The following PPARGC1A variants were observed in gnomAD, a reference collection of about 807,000 sequenced individuals.
PPARGC1A encodes peroxisome proliferator-activated receptor gamma coactivator 1-alpha.
A neutral mutation model predicts 88.7 loss-of-function variants in PPARGC1A; 25 were observed. That is an observed-to-expected ratio of 0.28 (90% confidence interval 0.21 to 0.39). The LOEUF (loss-of-function observed/expected upper bound fraction) is 0.39, where lower values mean the gene tolerates loss of function less well. PPARGC1A is among the 10% of genes least tolerant of loss of function. The pLI is 1.00. For missense variants in PPARGC1A, 880 were observed against 968.7 expected (o/e 0.91, Z 1.22); for synonymous variants, 363 against 355.6 (o/e 1.02, Z -0.24).
the PPARGC1A span, among the ~76,000 whole-genome samples, chr4:24,299,328 G>A: frequency 4.4e-3 from 669 of 151,986 alleles, 5 homozygotes; most frequent in African/African-American, 0.015. Flanking sequence ...CATAGTTTCC[G>A]GTTTAATAAA....
At chr4:24,026,400 CAGAGCTCCA>C in the PPARGC1A span, among the ~76,000 whole-genome samples, 1 of 152,118 alleles carries the variant, frequency 6.6e-6, no homozygotes, top group Non-Finnish European at 1.5e-5. Flanking sequence ...ATCTGTTATC[CAGAGCTCCA>C]AGAGCTTGGC....
At chr4:24,251,103 A>G in the PPARGC1A span, among the ~76,000 whole-genome samples, 47 of 152,224 alleles carry the variant, frequency 3.1e-4, no homozygotes, top group Admixed American at 2.9e-3. Context: ...TGTAAAAATC[A>G]TTGTTTTCCT....
chr4:24,433,781 C>T, the PPARGC1A span, among the ~76,000 whole-genome samples: 2 of 152,146 alleles, frequency 1.3e-5, no homozygotes, highest in Non-Finnish European at 2.9e-5. Flanking sequence ...CCTCATCATT[C>T]CTGAGCACAT....
chr4:23,882,222 C>G (rs965200197), intron 2 of PPARGC1A: 1 of 152,198 alleles, frequency 6.6e-6, no homozygotes, highest in African/African-American at 2.4e-5. Flanking sequence ...CTTTTGCCCT[C>G]TGACACTAAG....
At chr4:23,902,013 C>T (rs1186514553), upstream of PPARGC1A, among the ~76,000 whole-genome samples, 1 of 151,830 alleles carries the variant, frequency 6.6e-6, no homozygotes, top group African/African-American at 2.4e-5. Context: ...AAAATGTGTC[C>T]AAACAAAAAT....
At chr4:23,952,251 T>C in the PPARGC1A span, among the ~76,000 whole-genome samples, 1 of 152,168 alleles carries the variant, frequency 6.6e-6, no homozygotes, top group Non-Finnish European at 1.5e-5. Flanking sequence ...AATGATAGTT[T>C]ACCCTTTATT....
At chr4:24,454,100 G>A in the PPARGC1A span, among the ~76,000 whole-genome samples, 19 of 151,786 alleles carry the variant, frequency 1.3e-4, no homozygotes, top group African/African-American at 3.9e-4. Context: ...TGATGGAAAC[G>A]TGGATACATG....
chr4:24,365,228 A>G, the PPARGC1A span, among the ~76,000 whole-genome samples: 1 of 152,140 alleles, frequency 6.6e-6, no homozygotes, highest in Non-Finnish European at 1.5e-5. Flanking sequence ...AAAGCCTATC[A>G]TGAAAATAAA....
At chr4:24,228,229 A>T in the PPARGC1A span, among the ~76,000 whole-genome samples, 2 of 152,202 alleles carry the variant, frequency 1.3e-5, no homozygotes, top group South Asian at 4.2e-4. Context: ...AGAAATAAAG[A>T]TGATGCCATT....
the PPARGC1A span, among the ~76,000 whole-genome samples, chr4:24,151,634 T>C: frequency 0.023 from 3,427 of 152,248 alleles, 132 homozygotes; most frequent in African/African-American, 0.078. Flanking sequence ...TATTAATTCA[T>C]TTTTTTCACC....
the PPARGC1A span, among the ~76,000 whole-genome samples, chr4:23,910,650 T>C: frequency 1.3e-5 from 2 of 150,596 alleles, no homozygotes; most frequent in African/African-American, 2.4e-5. Context: ...ATATTGGCCA[T>C]GCTGGTCTTG....
chr4:24,324,135 G>A, the PPARGC1A span, among the ~76,000 whole-genome samples: 2 of 152,164 alleles, frequency 1.3e-5, no homozygotes, highest in African/African-American at 2.4e-5. Flanking sequence ...GTCAAACCAC[G>A]CAGGGACGCC....
chr4:23,879,132 C>CA (rs1416042284), intron 2 of PPARGC1A, among the ~76,000 whole-genome samples: 1 of 152,066 alleles, frequency 6.6e-6, no homozygotes, highest in African/African-American at 2.4e-5. Context: ...TCCCACATAA[C>CA]AAAAAAGAAT....
chr4:24,291,863 T>C, the PPARGC1A span, among the ~76,000 whole-genome samples: 1 of 152,172 alleles, frequency 6.6e-6, no homozygotes, highest in Non-Finnish European at 1.5e-5. Flanking sequence ...AGAGAATTCA[T>C]TGGAGAATGT....
chr4:24,415,293 A>G, the PPARGC1A span, among the ~76,000 whole-genome samples: 1 of 152,196 alleles, frequency 6.6e-6, no homozygotes, highest in African/African-American at 2.4e-5. Context: ...GCTAGGGACT[A>G]TCTCCAGACT....
At chr4:24,141,795 A>G in the PPARGC1A span, among the ~76,000 whole-genome samples, 1 of 152,192 alleles carries the variant, frequency 6.6e-6, no homozygotes, top group African/African-American at 2.4e-5. Context: ...TTCAGGATCT[A>G]AAGATGTGAC....
rs778507683 is a variant in PPARGC1A, at chr4:23,824,250, C to T, written c.877+30G>A. ...ACACACACATATACAGACAGACACA[C>T]ACAAGTTCTAAGTGAAATATAAGGC... On this transcript the variant is annotated intron_variant, in intron 7 of 12. Coordinates refer to ENST00000264867, the MANE Select transcript of PPARGC1A (RefSeq NM_013261.5). 3.2e-6 allele frequency: 5 copies of T among 1,575,838 alleles called. No individual in the cohort carries two copies. The South Asian group carries it at 4.4e-5, about 14-fold the overall frequency.
the PPARGC1A span, among the ~76,000 whole-genome samples, chr4:24,389,501 A>G: frequency 3.6e-4 from 55 of 152,296 alleles, 1 homozygote; most frequent in African/African-American, 1.3e-3. Flanking sequence ...TATTTATCCC[A>G]TGAGGTCTTA....
At chr4:23,921,894 A>G in the PPARGC1A span, among the ~76,000 whole-genome samples, 1 of 152,340 alleles carries the variant, frequency 6.6e-6, no homozygotes, top group African/African-American at 2.4e-5. Context: ...TGGTACTACA[A>G]GTGTCGGAGA....
Sources: allele counts gnomAD v4.1 joint callset (sites outside exome capture counted in the v4.1 genomes callset), GRCh38; gene constraint gnomAD v4.1.1; transcripts MANE v1.5; gene names NCBI Gene and HGNC (gene_info 2026-07-23, HGNC 2026-07-21).